PRELID2: variants seen among roughly 807,000 people sequenced by gnomAD.
PRELID2 encodes the protein PRELI domain containing 2.
PRELID2 carries 25 observed loss-of-function variants against 28.4 expected under a neutral mutation model. The observed-to-expected ratio is 0.88, with a 90% CI of 0.64 to 1.23. The LOEUF is 1.23. Ranked by LOEUF, PRELID2 falls within the 50% of genes most tolerant of loss-of-function variation. The pLI is 0.00. For synonymous variants in PRELID2, 76 were observed against 71.6 expected (o/e 1.06, Z -0.31); for missense variants, 201 against 214.4 (o/e 0.94, Z 0.39).
At chr5:145,422,960 G>T in the PRELID2 span, among the ~76,000 whole-genome samples, 5 of 150,862 alleles carry the variant, frequency 3.3e-5, no homozygotes, top group East Asian at 5.8e-4. Flanking sequence ...GCATTTGCTT[G>T]TCTGTAAAGT....
chr5:145,299,635 A>ATGTGTGCG, the PRELID2 span, among the ~76,000 whole-genome samples: 5 of 107,556 alleles, frequency 4.6e-5, no homozygotes, highest in South Asian at 1.1e-3. Context: ...CTACATATAT[A>ATGTGTGCG]TGTGTGTGCG....
chr5:145,796,961 A>C (rs1436518147), intron 4 of PRELID2, among the ~76,000 whole-genome samples: 1 of 152,142 alleles, frequency 6.6e-6, no homozygotes, highest in Non-Finnish European at 1.5e-5. Context: ...CTAACACATA[A>C]GCATTTACTA....
chr5:145,741,549 AATTT>A lies in PRELID2; in HGVS notation n.70+23378_70+23381del, dbSNP rs1292491257. On this transcript the variant is annotated intron_variant and non_coding_transcript_variant, in intron 1 of 2. Transcript: ENST00000510259. Reference sequence around the variant, plus strand: ...TTATATATAAAATTTATTTATAAATAATTTATTTATATATAAAATTTATTTATAA... The same window carrying A: ...TTATATATAAAATTTATTTATAAATAATTTATATATAAAATTTATTTATAA... Among the ~76,000 whole-genome samples the A allele has an allele frequency of 7.8e-4, 88 of 112,190 alleles. 2 individuals are homozygous for A. Among genetic ancestry groups the A allele is most frequent in the African/African-American group, 3.6e-3 (85 of 23,474 alleles). The allele number at this position is 112,190 out of a possible 152,430, so 73.6% of individuals were successfully genotyped here.
At chr5:145,582,444 G>A (rs768596938) in intron 1 of PRELID2, among the ~76,000 whole-genome samples, 2 of 151,880 alleles carry the variant, frequency 1.3e-5, no homozygotes, top group African/African-American at 4.8e-5. Flanking sequence ...ACAGCAAGGG[G>A]GAAGTCGGCC....
chr5:145,344,662 C>T, the PRELID2 span, among the ~76,000 whole-genome samples: 1 of 151,904 alleles, frequency 6.6e-6, no homozygotes, highest in East Asian at 1.9e-4. Flanking sequence ...ACAGAATCCT[C>T]CTTGTAGTGC....
chr5:145,478,363 T>A (rs545733101), intron 1 of PRELID2, among the ~76,000 whole-genome samples: 2 of 152,004 alleles, frequency 1.3e-5, no homozygotes, highest in African/African-American at 4.8e-5. Context: ...CTGGCCAACA[T>A]GGTGAAACCC....
At chr5:145,785,771 C>T (rs1448665340) in intron 5 of PRELID2, among the ~76,000 whole-genome samples, 2 of 152,222 alleles carry the variant, frequency 1.3e-5, no homozygotes, top group Non-Finnish European at 2.9e-5. Context: ...AAGCACCCAT[C>T]CTTGTGCCAT....
downstream of PRELID2, among the ~76,000 whole-genome samples, chr5:145,468,570 A>G (rs180908728): frequency 1.6e-3 from 247 of 152,124 alleles, 1 homozygote; most frequent in African/African-American, 5.7e-3. Context: ...CACATCCTCT[A>G]CAGCACCTGC....
intron 1 of PRELID2, among the ~76,000 whole-genome samples, chr5:145,745,854 C>G (rs1756977108): frequency 1.9e-5 from 2 of 106,808 alleles, no homozygotes; most frequent in African/African-American, 7.4e-5. Flanking sequence ...AAGAGTGAAA[C>G]TTCATCTCAA....
At chr5:145,334,660 A>G in the PRELID2 span, among the ~76,000 whole-genome samples, 1 of 152,162 alleles carries the variant, frequency 6.6e-6, no homozygotes, top group Admixed American at 6.6e-5. Flanking sequence ...CACTTTTTGT[A>G]AGGAAGGTCT....
chr5:145,490,120 A>G (rs1421801601), intron 1 of PRELID2, among the ~76,000 whole-genome samples: 1 of 152,192 alleles, frequency 6.6e-6, no homozygotes, highest in Non-Finnish European at 1.5e-5. Flanking sequence ...ACCTCCATAT[A>G]GAAGACATAG....
intron 1 of PRELID2, among the ~76,000 whole-genome samples, chr5:145,553,878 G>A (rs1221827545): frequency 6.6e-6 from 1 of 152,184 alleles, no homozygotes; most frequent in Non-Finnish European, 1.5e-5. Flanking sequence ...GATAAAGGAT[G>A]CAGCCTGAAT....
intron 5 of PRELID2, among the ~76,000 whole-genome samples, chr5:145,767,312 A>G (rs1478989572): frequency 6.6e-6 from 1 of 151,672 alleles, no homozygotes; most frequent in African/African-American, 2.4e-5. Context: ...GGGGACAATC[A>G]CCTTTCTACT....
At chr5:145,360,344 G>A in the PRELID2 span, among the ~76,000 whole-genome samples, 1 of 152,102 alleles carries the variant, frequency 6.6e-6, no homozygotes, top group Non-Finnish European at 1.5e-5. Context: ...AGACAGAAAA[G>A]GCAAAAGCAT....
At chr5:145,378,797 A>G in the PRELID2 span, among the ~76,000 whole-genome samples, 6 of 152,156 alleles carry the variant, frequency 3.9e-5, no homozygotes, top group African/African-American at 1.4e-4. Context: ...CATTTCAGCC[A>G]TCTCAGCCTG....
the PRELID2 span, among the ~76,000 whole-genome samples, chr5:145,231,580 C>T: frequency 6.6e-6 from 1 of 152,210 alleles, no homozygotes; most frequent in Non-Finnish European, 1.5e-5. Flanking sequence ...AGTTGCACCT[C>T]TCATGGACAG....
At chr5:145,442,527 G>T in the PRELID2 span, among the ~76,000 whole-genome samples, 1 of 151,966 alleles carries the variant, frequency 6.6e-6, no homozygotes, top group Non-Finnish European at 1.5e-5. Context: ...TGGGTCAAGG[G>T]GTGTCACCGC....
the PRELID2 span, among the ~76,000 whole-genome samples, chr5:145,390,637 GC>G: frequency 1.3e-5 from 2 of 152,042 alleles, no homozygotes; most frequent in African/African-American, 4.8e-5. Flanking sequence ...ATATCATTCT[GC>G]CCCGGCCCCT....
the PRELID2 span, among the ~76,000 whole-genome samples, chr5:145,325,838 T>C: frequency 0.035 from 5,280 of 152,240 alleles, 228 homozygotes; most frequent in East Asian, 0.24. Context: ...CTAGTAAAAC[T>C]TTATTTGCAG....
Sources: allele counts gnomAD v4.1 joint callset (sites outside exome capture counted in the v4.1 genomes callset), GRCh38; gene constraint gnomAD v4.1.1; transcripts MANE v1.5; gene names NCBI Gene and HGNC (gene_info 2026-07-23, HGNC 2026-07-21).